The following XYLT1 variants were observed in gnomAD, a reference collection of about 807,000 sequenced individuals.
XYLT1 encodes the protein beta-D-xylosyltransferase 1.
Under a neutral mutation model 91.3 loss-of-function variants are expected in XYLT1, and 36 were observed. That is an observed-to-expected ratio of 0.39 (90% CI 0.30 to 0.52). The LOEUF (loss-of-function observed/expected upper bound fraction) is 0.52. XYLT1 is among the 20% of genes least tolerant of loss of function. XYLT1 has a pLI of 0.68. For synonymous variants in XYLT1, 588 were observed against 532.0 expected (o/e 1.11, Z -1.45); for missense variants, 1,242 against 1,284.5 (o/e 0.97, Z 0.51).
chr16:17,263,397 C>A lies in XYLT1; in HGVS notation c.403-3899G>T, dbSNP rs559352293. Reference sequence around the variant, plus strand: ...TTCTGATGGGACTCATGATTAATACCCGCTCTCTACTCAAGACAGGCCACC... The same window carrying A: ...TTCTGATGGGACTCATGATTAATACACGCTCTCTACTCAAGACAGGCCACC... On this transcript the variant is annotated intron_variant, in intron 2 of 11. Transcript: ENST00000261381. Among the ~76,000 whole-genome samples the A allele has an allele frequency of 1.2e-4, 18 of 151,976 alleles. 1 individual carries two copies. The highest frequency in any genetic ancestry group is 5.9e-5 in the Non-Finnish European group (4 of 67,996).
At chr16:17,200,339 C>G in intron 4 of XYLT1, 143 bp downstream of exon 4, 1 of 1,004,256 alleles carries the variant, frequency 1.0e-6, no homozygotes. Context: ...GGGCCACACG[C>G]TCTGTGGAGA....
At chr16:17,382,484 A>G (rs762336888) in intron 1 of XYLT1, among the ~76,000 whole-genome samples, 1 of 151,894 alleles carries the variant, frequency 6.6e-6, no homozygotes, top group African/African-American at 2.4e-5. Flanking sequence ...TTTCAGTGTT[A>G]ATGGGACCCC....
chr16:17,112,668 A>AG (rs1966844449), intron 11 of XYLT1, among the ~76,000 whole-genome samples: 2 of 152,062 alleles, frequency 1.3e-5, no homozygotes, highest in African/African-American at 4.8e-5. Context: ...AAGACCTCTA[A>AG]GGGGGTGGGA....
At chr16:17,342,543 G>A (rs969502449) in intron 2 of XYLT1, among the ~76,000 whole-genome samples, 1 of 152,242 alleles carries the variant, frequency 6.6e-6, no homozygotes. Context: ...CCAACATGGT[G>A]AAACCCCATC....
intron 1 of XYLT1, among the ~76,000 whole-genome samples, chr16:17,436,470 T>C (rs1215620125): frequency 2.6e-5 from 4 of 152,172 alleles, no homozygotes; most frequent in Admixed American, 1.3e-4. Context: ...GGCTGGCACA[T>C]AGTAGGGGCG....
At chr16:17,219,410 T>C (rs1356097771) in intron 3 of XYLT1, among the ~76,000 whole-genome samples, 2 of 151,642 alleles carry the variant, frequency 1.3e-5, no homozygotes, top group Non-Finnish European at 2.9e-5. Context: ...TCTAAATAAA[T>C]GTGAAATGAA....
intron 2 of XYLT1, among the ~76,000 whole-genome samples, chr16:17,282,261 C>A (rs1221041058): frequency 6.6e-6 from 1 of 152,108 alleles, no homozygotes; most frequent in Admixed American, 6.5e-5. Context: ...ACCCTCACCC[C>A]AGCCCCCGAC....
At chr16:17,141,069 T>C in intron 7 of XYLT1, 84 bp downstream of exon 7, 1 of 1,400,466 alleles carries the variant, frequency 7.1e-7, no homozygotes, top group Middle Eastern at 1.9e-4. Flanking sequence ...CCAGAATCTC[T>C]TTGCCAAAAA....
chr16:17,241,080 C>T (rs555822329), intron 3 of XYLT1, among the ~76,000 whole-genome samples: 1 of 152,352 alleles, frequency 6.6e-6, no homozygotes, highest in South Asian at 2.1e-4. Context: ...CATAGGATTC[C>T]AGACGCATAA....
At chr16:17,417,330 C>T (rs751001138) in intron 1 of XYLT1, among the ~76,000 whole-genome samples, 3 of 152,130 alleles carry the variant, frequency 2.0e-5, no homozygotes, top group African/African-American at 4.8e-5. Flanking sequence ...TGGCTACTAA[C>T]CCTTAGTTTC....
chr16:17,221,618 A>C (rs749897912), intron 3 of XYLT1, among the ~76,000 whole-genome samples: 3 of 152,202 alleles, frequency 2.0e-5, no homozygotes, highest in Non-Finnish European at 4.4e-5. Flanking sequence ...GTGCACCTGT[A>C]GTCCCAGCTC....
At chr16:17,222,972 T>C (rs2141611167) in intron 3 of XYLT1, among the ~76,000 whole-genome samples, 1 of 147,532 alleles carries the variant, frequency 6.8e-6, no homozygotes, top group Admixed American at 6.9e-5. Context: ...GACTAGGCGC[T>C]GATGAACTCA....
chr16:17,169,879 C>T (rs532474667), intron 5 of XYLT1, among the ~76,000 whole-genome samples: 1 of 152,274 alleles, frequency 6.6e-6, no homozygotes, highest in Admixed American at 6.5e-5. Context: ...GGGAGGTCCA[C>T]TTCAGAGGGC....
chr16:17,316,427 C>T (rs2034633759), intron 2 of XYLT1, among the ~76,000 whole-genome samples: 2 of 152,140 alleles, frequency 1.3e-5, no homozygotes, highest in African/African-American at 4.8e-5. Flanking sequence ...GAGACAGTCT[C>T]TCTCTGTCGC....
intron 1 of XYLT1, among the ~76,000 whole-genome samples, chr16:17,462,778 G>A (rs2036840287): frequency 6.6e-6 from 1 of 152,150 alleles, no homozygotes; most frequent in African/African-American, 2.4e-5. Context: ...AGAGAGAGCT[G>A]AATTCAAGAC....
At chr16:17,359,317 C>A (rs1042292676) in intron 1 of XYLT1, among the ~76,000 whole-genome samples, 5 of 152,166 alleles carry the variant, frequency 3.3e-5, no homozygotes, top group African/African-American at 2.4e-5. Context: ...TTAGCACCAG[C>A]CCATTGTCCC....
Position 17,133,512 on chromosome 16 carries a change from T to C in XYLT1, c.2027+961A>G, listed in dbSNP as rs772731865. Among the ~76,000 whole-genome samples, 68 of 151,896 alleles carry C rather than the reference T, an allele frequency of 4.5e-4. 1 individual carries two copies. Among genetic ancestry groups the C allele is most frequent in the Non-Finnish European group, 8.4e-4 (57 of 68,032 alleles). On this transcript the variant is annotated intron_variant, in intron 9 of 11. Coordinates refer to ENST00000261381, the MANE Select transcript of XYLT1 (RefSeq NM_022166.4). Reference sequence around the variant, plus strand: ...CAGATTAAGCAAACTCTGGAACTTCTGCTCAATGGAATACTAGAGGCATTA... The same window carrying C: ...CAGATTAAGCAAACTCTGGAACTTCCGCTCAATGGAATACTAGAGGCATTA...
chr16:17,302,202 CTCAAAA>C (rs2034405221), intron 2 of XYLT1, among the ~76,000 whole-genome samples: 1 of 151,908 alleles, frequency 6.6e-6, no homozygotes, highest in Admixed American at 6.6e-5. Context: ...AAGACTCGAT[CTCAAAA>C]TACTACTACT....
At chr16:17,109,081 T>C (rs1966818828) in intron 11 of XYLT1, 64 bp from the exon 12 acceptor site, 1 of 1,450,660 alleles carries the variant, frequency 6.9e-7, no homozygotes. Flanking sequence ...TATTCATACT[T>C]ACCCTGTGCC....
Sources: allele counts gnomAD v4.1 joint callset (sites outside exome capture counted in the v4.1 genomes callset), GRCh38; gene constraint gnomAD v4.1.1; transcripts MANE v1.5; gene names NCBI Gene and HGNC (gene_info 2026-07-23, HGNC 2026-07-21).